JAKMIP2: variants seen among roughly 807,000 people sequenced by gnomAD.
JAKMIP2 encodes janus kinase and microtubule interacting protein 2, also known as janus kinase and microtubule-interacting protein 2.
A neutral mutation model predicts 115.0 loss-of-function variants in JAKMIP2; 25 were observed. That is an observed-to-expected ratio of 0.22 (90% CI 0.16 to 0.30). The LOEUF (loss-of-function observed/expected upper bound fraction) is 0.30. Among genes scored for constraint, JAKMIP2 ranks in the 10% least tolerant of loss-of-function variants. The probability of loss-of-function intolerance (pLI) is 1.00; values close to 1 mark genes in which losing one functional copy is unlikely to be tolerated. For synonymous variants in JAKMIP2, 334 were observed against 343.6 expected (o/e 0.97, Z 0.31); for missense variants, 642 against 957.6 (o/e 0.67, Z 4.35).
intron 14 of JAKMIP2, 65 bp downstream of exon 14, chr5:147,631,348 C>T: frequency 1.1e-6 from 1 of 951,786 alleles, no homozygotes; most frequent in Non-Finnish European, 1.6e-6. Context: ...CGTAAGTAAC[C>T]TCCCCTTTTC....
chr5:147,773,345 G>A (rs1401242611), intron 1 of JAKMIP2, among the ~76,000 whole-genome samples: 2 of 152,132 alleles, frequency 1.3e-5, no homozygotes, highest in Non-Finnish European at 2.9e-5. Flanking sequence ...ATGGCACCAC[G>A]TGAACTGAGA....
chr5:147,658,105 C>A (rs189682665), intron 3 of JAKMIP2, among the ~76,000 whole-genome samples: 8 of 152,086 alleles, frequency 5.3e-5, no homozygotes, highest in Non-Finnish European at 1.5e-5. Flanking sequence ...TTGCGATTTT[C>A]GGTGTTTTTT....
chr5:147,595,574 C>G (rs879084886), intron 21 of JAKMIP2: 10 of 454,230 alleles, frequency 2.2e-5, no homozygotes, highest in East Asian at 2.1e-4. Context: ...CATAAATTAC[C>G]TAGTCTCAGG....
chr5:147,629,576 C>T (rs1757262428), intron 15 of JAKMIP2, 117 bp downstream of exon 15: 2 of 669,660 alleles, frequency 3.0e-6, no homozygotes, highest in East Asian at 2.8e-5. Context: ...CAAGGAGCAA[C>T]ATCCTTAAGT....
At chr5:147,594,779 A>G (rs536571506) in intron 21 of JAKMIP2, among the ~76,000 whole-genome samples, 1 of 152,258 alleles carries the variant, frequency 6.6e-6, no homozygotes, top group Non-Finnish European at 1.5e-5. Context: ...TTTATATGCA[A>G]TTTGTCATAA....
intron 1 of JAKMIP2, among the ~76,000 whole-genome samples, chr5:147,772,955 G>A (rs951277474): frequency 6.6e-6 from 1 of 151,892 alleles, no homozygotes; most frequent in East Asian, 1.9e-4. Context: ...AAAGAATTTA[G>A]GTCTTTTTCT....
At chr5:147,601,897 G>T (rs1029906820) in intron 20 of JAKMIP2, 86 bp from the exon 21 acceptor site, 2 of 643,922 alleles carry the variant, frequency 3.1e-6, no homozygotes, top group African/African-American at 3.8e-5. Context: ...TTTCCATATT[G>T]CTCAAGTCTA....
chr5:147,610,731 C>T (rs976874515), intron 20 of JAKMIP2, among the ~76,000 whole-genome samples: 2 of 152,232 alleles, frequency 1.3e-5, no homozygotes, highest in Non-Finnish European at 2.9e-5. Flanking sequence ...ATCCACTGCT[C>T]TCTTCAGAGC....
chr5:147,723,658 C>T (rs747691117), intron 1 of JAKMIP2, among the ~76,000 whole-genome samples: 5 of 152,194 alleles, frequency 3.3e-5, no homozygotes, highest in East Asian at 1.9e-4. Context: ...CTGTGTCTTT[C>T]GACATAGTTA....
At chr5:147,764,131 A>G (rs2127054476) in intron 1 of JAKMIP2, among the ~76,000 whole-genome samples, 1 of 152,288 alleles carries the variant, frequency 6.6e-6, no homozygotes, top group South Asian at 2.1e-4. Context: ...TCAGGCTTAA[A>G]TGAGAGAATA....
chr5:147,705,952 T>G (rs1752544821), intron 1 of JAKMIP2, among the ~76,000 whole-genome samples: 1 of 152,198 alleles, frequency 6.6e-6, no homozygotes, highest in South Asian at 2.1e-4. Flanking sequence ...TGGCAACATA[T>G]TTAACAATTG....
chr5:147,723,964 TC>T (rs1175388755), intron 1 of JAKMIP2, among the ~76,000 whole-genome samples: 3 of 152,164 alleles, frequency 2.0e-5, no homozygotes, highest in Non-Finnish European at 4.4e-5. Context: ...TTCTCACATC[TC>T]CAGAGGGGCT....
intron 1 of JAKMIP2, among the ~76,000 whole-genome samples, chr5:147,697,005 CTGA>C (rs1436217794): frequency 6.6e-6 from 1 of 151,878 alleles, no homozygotes; most frequent in Non-Finnish European, 1.5e-5. Context: ...AATTTGCAGG[CTGA>C]TGATGCAATA....
intron 21 of JAKMIP2, among the ~76,000 whole-genome samples, chr5:147,596,960 C>T (rs547551986): frequency 6.6e-6 from 1 of 152,168 alleles, no homozygotes; most frequent in Admixed American, 6.5e-5. Flanking sequence ...CAGCCTCTGC[C>T]TCCTGGGTTC....
At chr5:147,638,525 G>GT (rs778057392) in intron 10 of JAKMIP2, among the ~76,000 whole-genome samples, 2 of 152,256 alleles carry the variant, frequency 1.3e-5, no homozygotes, top group South Asian at 2.1e-4. Flanking sequence ...CTAAATTGGT[G>GT]TTTTTTAAAA....
intron 19 of JAKMIP2, among the ~76,000 whole-genome samples, chr5:147,614,973 A>G (rs951516873): frequency 1.3e-5 from 2 of 152,148 alleles, no homozygotes; most frequent in African/African-American, 4.8e-5. Flanking sequence ...TGACCAGCCA[A>G]CCTAAAGTGG....
intron 1 of JAKMIP2, among the ~76,000 whole-genome samples, chr5:147,730,968 G>T (rs4235734): frequency 0.18 from 26,927 of 151,934 alleles, 2,707 homozygotes; most frequent in Admixed American, 0.26. Context: ...TATCATGATG[G>T]TCCTGAATAA....
At chr5:147,758,916 T>C (rs1028075515) in intron 1 of JAKMIP2, among the ~76,000 whole-genome samples, 1 of 152,192 alleles carries the variant, frequency 6.6e-6, no homozygotes, top group African/African-American at 2.4e-5. Context: ...CCTCTACCAC[T>C]GACCCATACA....
intron 1 of JAKMIP2, among the ~76,000 whole-genome samples, chr5:147,768,284 TTAAG>T (rs1755223735): frequency 6.6e-6 from 1 of 152,132 alleles, no homozygotes; most frequent in Admixed American, 6.5e-5. Flanking sequence ...GCTTTTAGGA[TTAAG>T]TTTTATTCAT....
Sources: allele counts gnomAD v4.1 joint callset (sites outside exome capture counted in the v4.1 genomes callset), GRCh38; gene constraint gnomAD v4.1.1; transcripts MANE v1.5; gene names NCBI Gene and HGNC (gene_info 2026-07-23, HGNC 2026-07-21).